The following GMDS variants were observed in gnomAD, a reference collection of about 807,000 sequenced individuals.
GMDS encodes the protein GDP-mannose 4,6-dehydratase.
A neutral mutation model predicts 49.9 loss-of-function variants in GMDS; 20 were observed. The observed-to-expected ratio is 0.40, with a 90% CI of 0.28 to 0.58. The LOEUF (loss-of-function observed/expected upper bound fraction) is 0.58. Among genes scored for constraint, GMDS ranks in the 20% least tolerant of loss-of-function variants. GMDS has a pLI of 0.42. For missense variants in GMDS, 362 were observed against 481.4 expected (o/e 0.75, Z 2.32); for synonymous variants, 177 against 178.6 (o/e 0.99, Z 0.07).
At chr6:2,054,515 A>G (rs1481675722) in intron 4 of GMDS, among the ~76,000 whole-genome samples, 1 of 152,160 alleles carries the variant, frequency 6.6e-6, no homozygotes, top group East Asian at 1.9e-4. Context: ...TTGAAGAACC[A>G]AAGGACAGAG....
In GMDS at chr6:1,678,308, T is replaced by G. The variant is rs150881317; in HGVS notation, c.987+48108A>C. 2.7e-3 allele frequency among the ~76,000 whole-genome samples: 410 copies of G among 152,330 alleles called. 1 individual carries two copies. The highest frequency in any genetic ancestry group is 9.4e-3 in the African/African-American group (391 of 41,574). On this transcript the variant is annotated intron_variant, in intron 9 of 10. Transcript: ENST00000380815. The stretch of plus-strand genomic sequence containing the variant: ...CCCTCAAGCTAGTCCACACCGCGTC[T>G]GTAGCCCTTAGTCAATCACCCTCCC...
chr6:2,000,901 G>A (rs558033449), intron 4 of GMDS, among the ~76,000 whole-genome samples: 2 of 152,260 alleles, frequency 1.3e-5, no homozygotes, highest in South Asian at 2.1e-4. Context: ...TTAACCAGCC[G>A]ATGGACATTC....
chr6:1,830,627 A>C (rs1366520732), intron 7 of GMDS, among the ~76,000 whole-genome samples: 2 of 152,204 alleles, frequency 1.3e-5, no homozygotes, highest in Non-Finnish European at 1.5e-5. Context: ...TTTTTAAGCC[A>C]ACAATAACTA....
intron 9 of GMDS, among the ~76,000 whole-genome samples, chr6:1,709,215 C>T (rs999639206): frequency 6.6e-6 from 1 of 152,198 alleles, no homozygotes; most frequent in African/African-American, 2.4e-5. Flanking sequence ...TGCCAGCCAC[C>T]CTTGTAGTGC....
At chr6:1,753,444 G>C (rs1392895580) in intron 7 of GMDS, among the ~76,000 whole-genome samples, 1 of 152,146 alleles carries the variant, frequency 6.6e-6, no homozygotes. Context: ...ATAATAGTGG[G>C]AGACTTTAAC....
chr6:1,853,442 C>T (rs867023063), intron 7 of GMDS, among the ~76,000 whole-genome samples: 6 of 144,478 alleles, frequency 4.2e-5, no homozygotes, highest in Non-Finnish European at 8.9e-5. Context: ...GGCGTGAACC[C>T]GGGAGGCGGA....
chr6:1,918,480 C>T (rs1203624725), intron 7 of GMDS, among the ~76,000 whole-genome samples: 1 of 151,358 alleles, frequency 6.6e-6, no homozygotes, highest in Non-Finnish European at 1.5e-5. Context: ...GGCATGGTGG[C>T]TCATACCTAT....
chr6:1,751,315 C>T (rs1561780950), intron 7 of GMDS, among the ~76,000 whole-genome samples: 1 of 152,180 alleles, frequency 6.6e-6, no homozygotes, highest in Non-Finnish European at 1.5e-5. Flanking sequence ...ACACCTCACA[C>T]AGGAGAGCTC....
intron 7 of GMDS, among the ~76,000 whole-genome samples, chr6:1,825,220 G>A (rs1771058135): frequency 6.6e-6 from 1 of 152,176 alleles, no homozygotes. Context: ...CGCTGATGAC[G>A]TTTAACTTGT....
intron 7 of GMDS, among the ~76,000 whole-genome samples, chr6:1,891,914 G>GAAA (rs1759887463): frequency 6.6e-6 from 1 of 152,134 alleles, no homozygotes; most frequent in Non-Finnish European, 1.5e-5. Context: ...TGCCAAGGAG[G>GAAA]CCACAGAACT....
At chr6:1,981,862 G>T (rs112923819) in intron 4 of GMDS, among the ~76,000 whole-genome samples, 1,988 of 152,298 alleles carry the variant, frequency 0.013, 39 homozygotes, top group African/African-American at 0.045. Flanking sequence ...TGCAAGGTTG[G>T]TTTAACATAC....
intron 4 of GMDS, among the ~76,000 whole-genome samples, chr6:1,993,170 A>T (rs1387910901): frequency 1.3e-5 from 2 of 151,248 alleles, no homozygotes; most frequent in Non-Finnish European, 2.9e-5. Flanking sequence ...CCCACACTGC[A>T]CTGTATATCC....
At chr6:1,945,998 CA>C (rs1390971740) in intron 6 of GMDS, among the ~76,000 whole-genome samples, 8 of 152,178 alleles carry the variant, frequency 5.3e-5, no homozygotes, top group Admixed American at 4.6e-4. Flanking sequence ...GACAGCTTAA[CA>C]GTTTAGTCCC....
intron 4 of GMDS, among the ~76,000 whole-genome samples, chr6:2,047,143 A>G (rs1179367029): frequency 6.6e-6 from 1 of 152,210 alleles, no homozygotes; most frequent in African/African-American, 2.4e-5. Flanking sequence ...ACTATATACT[A>G]AAGTCAATAC....
intron 4 of GMDS, among the ~76,000 whole-genome samples, chr6:2,075,659 T>C (rs538520937): frequency 2.0e-5 from 3 of 152,314 alleles, no homozygotes; most frequent in African/African-American, 7.2e-5. Context: ...TCTATCATTG[T>C]TGGACATTTG....
At chr6:2,112,676 C>T (rs918644740) in intron 4 of GMDS, among the ~76,000 whole-genome samples, 2 of 152,196 alleles carry the variant, frequency 1.3e-5, no homozygotes, top group African/African-American at 4.8e-5. Flanking sequence ...CTTCTAAACC[C>T]CTTGCACGCT....
At chr6:1,895,974 G>A (rs927623319) in intron 7 of GMDS, among the ~76,000 whole-genome samples, 1 of 152,130 alleles carries the variant, frequency 6.6e-6, no homozygotes, top group Non-Finnish European at 1.5e-5. Flanking sequence ...CTACAAAGCT[G>A]AGTGATTCAT....
intron 8 of GMDS, among the ~76,000 whole-genome samples, chr6:1,727,558 G>T (rs1315645451): frequency 6.6e-6 from 1 of 152,052 alleles, no homozygotes; most frequent in Non-Finnish European, 1.5e-5. Context: ...TGCTCTCGGG[G>T]TCAGAGTCAT....
intron 4 of GMDS, among the ~76,000 whole-genome samples, chr6:2,098,399 T>A (rs1773733556): frequency 6.6e-6 from 1 of 152,186 alleles, no homozygotes; most frequent in South Asian, 2.1e-4. Flanking sequence ...TAAGGAAAAT[T>A]TAGTAATAAA....
Sources: allele counts gnomAD v4.1 joint callset (sites outside exome capture counted in the v4.1 genomes callset), GRCh38; gene constraint gnomAD v4.1.1; transcripts MANE v1.5; gene names NCBI Gene and HGNC (gene_info 2026-07-23, HGNC 2026-07-21).